Variants in BNC2 observed in about 807,000 individuals in gnomAD.
The protein encoded by BNC2 is basonuclin zinc finger protein 2.
A neutral mutation model predicts 76.3 loss-of-function variants in BNC2; 20 were observed. The observed-to-expected ratio is 0.26, with a 90% confidence interval of 0.18 to 0.38. The LOEUF is 0.38. Ranked by LOEUF, BNC2 falls within the 10% of genes least tolerant of loss-of-function variation. The pLI is 1.00. For missense variants in BNC2, 1,382 were observed against 1,399.8 expected, an observed-to-expected ratio of 0.99 and a Z score of 0.20; for synonymous variants, 582 against 514.8, an observed-to-expected ratio of 1.13 and a Z score of -1.77.
At chr9:16,632,879 G>A (rs1821206451) in intron 3 of BNC2, among the ~76,000 whole-genome samples, 1 of 152,084 alleles carries the variant, frequency 6.6e-6, no homozygotes, top group Non-Finnish European at 1.5e-5. Flanking sequence ...AATACTCTTA[G>A]GGAAAACAAT....
chr9:16,771,030 A>G (rs1446101473), intron 1 of BNC2, among the ~76,000 whole-genome samples: 1 of 152,114 alleles, frequency 6.6e-6, no homozygotes, highest in Non-Finnish European at 1.5e-5. Context: ...TTAGCTGAGC[A>G]TGGTGCCGCA....
chr9:16,567,221 C>T (rs1563842837), intron 4 of BNC2, among the ~76,000 whole-genome samples: 2 of 152,084 alleles, frequency 1.3e-5, no homozygotes, highest in Non-Finnish European at 2.9e-5. Flanking sequence ...AACAGAATTG[C>T]CATAAGGACA....
At chr9:16,665,386 A>AAAAGAG (rs1554702315) in intron 3 of BNC2, among the ~76,000 whole-genome samples, 30 of 84,280 alleles carry the variant, frequency 3.6e-4, no homozygotes, top group South Asian at 2.2e-3. Flanking sequence ...AAAAAAAAAA[A>AAAAGAG]AGAGAGAGAG....
intron 3 of BNC2, among the ~76,000 whole-genome samples, chr9:16,643,546 T>G (rs1032784985): frequency 2.6e-5 from 4 of 152,054 alleles, no homozygotes; most frequent in African/African-American, 9.7e-5. Context: ...AGATTCAACT[T>G]TTACACTGGT....
chr9:16,860,854 T>C (rs933025743), intron 1 of BNC2, among the ~76,000 whole-genome samples: 3 of 151,894 alleles, frequency 2.0e-5, no homozygotes, highest in African/African-American at 7.3e-5. Context: ...GAGACCAGCC[T>C]GGCCAACATA....
intron 5 of BNC2, among the ~76,000 whole-genome samples, chr9:16,444,239 C>T (rs540323494): frequency 2.6e-4 from 39 of 152,264 alleles, no homozygotes; most frequent in African/African-American, 9.1e-4. Context: ...CATTCATACA[C>T]ACACACACAC....
chr9:16,491,854 T>C (rs72717031), intron 5 of BNC2, among the ~76,000 whole-genome samples: 7,658 of 152,278 alleles, frequency 0.05, 364 homozygotes, highest in East Asian at 0.14. Flanking sequence ...TTAATCAAAA[T>C]CGTTTTTCTT....
intron 2 of BNC2, among the ~76,000 whole-genome samples, chr9:16,728,695 G>C (rs1225222956): frequency 6.6e-6 from 1 of 151,674 alleles, no homozygotes; most frequent in African/African-American, 2.4e-5. Flanking sequence ...CGTACATAGA[G>C]ATGTGACCTT....
chr9:16,577,965 T>C (rs1462316852), intron 4 of BNC2, among the ~76,000 whole-genome samples: 2 of 152,172 alleles, frequency 1.3e-5, no homozygotes, highest in South Asian at 2.1e-4. Flanking sequence ...ATAAAATGTA[T>C]TTTTTATTCA....
chr9:16,843,686 T>C (rs1371943718), intron 1 of BNC2, among the ~76,000 whole-genome samples: 1 of 152,228 alleles, frequency 6.6e-6, no homozygotes, highest in African/African-American at 2.4e-5. Context: ...ACCAAGTAAA[T>C]GGGTTTTAGT....
intron 5 of BNC2, among the ~76,000 whole-genome samples, chr9:16,444,044 C>T (rs1821182480): frequency 3.3e-5 from 5 of 152,176 alleles, no homozygotes; most frequent in Admixed American, 3.3e-4. Context: ...TCAACATGTA[C>T]AGCTTTCCAC....
In BNC2 at chr9:16,709,584, G is replaced by A. The variant is rs562681063; in HGVS notation, c.330+18213C>T. ...AGCCCAGCATTCAGGAGCCTCATTA[G>A]AGGGACTATTTCTTTCTCAAGAAAA... On this transcript the variant is annotated intron_variant, in intron 3 of 6. Transcript: ENST00000380672. Among the ~76,000 whole-genome samples the A allele has an allele frequency of 5.9e-5, 9 of 152,300 alleles. No homozygotes were observed. In the South Asian group the frequency reaches 1.5e-3, roughly 25 times the overall value.
chr9:16,510,421 T>C (rs1380976401), intron 5 of BNC2, among the ~76,000 whole-genome samples: 1 of 152,172 alleles, frequency 6.6e-6, no homozygotes, highest in Admixed American at 6.5e-5. Context: ...AATTAGGATA[T>C]AAAAAGGCAG....
At chr9:16,525,525 G>A (rs957060533) in intron 5 of BNC2, among the ~76,000 whole-genome samples, 1 of 152,142 alleles carries the variant, frequency 6.6e-6, no homozygotes, top group African/African-American at 2.4e-5. Flanking sequence ...TAAGAGAAAT[G>A]CAAATAAAAG....
intron 5 of BNC2, among the ~76,000 whole-genome samples, chr9:16,491,522 G>C (rs1004528330): frequency 2.6e-5 from 4 of 152,162 alleles, no homozygotes; most frequent in Non-Finnish European, 5.9e-5. Flanking sequence ...TTTTTTTCTA[G>C]CTATATTGGA....
At chr9:16,485,101 G>GACAC (rs901270450) in intron 5 of BNC2, among the ~76,000 whole-genome samples, 1 of 107,876 alleles carries the variant, frequency 9.3e-6, no homozygotes. Flanking sequence ...CACACACAGA[G>GACAC]ACACACACAG....
At chr9:16,674,609 T>G (rs991661301) in intron 3 of BNC2, among the ~76,000 whole-genome samples, 3 of 152,226 alleles carry the variant, frequency 2.0e-5, no homozygotes, top group African/African-American at 7.2e-5. Context: ...ATCTAATCGA[T>G]GTTTATTTGT....
chr9:16,480,800 T>C (rs1039871738), intron 5 of BNC2, among the ~76,000 whole-genome samples: 1 of 152,130 alleles, frequency 6.6e-6, no homozygotes, highest in African/African-American at 2.4e-5. Flanking sequence ...ACCCCCTCCA[T>C]GGGCTCCTGT....
intron 3 of BNC2, among the ~76,000 whole-genome samples, chr9:16,594,679 T>C (rs1168388177): frequency 2.6e-5 from 4 of 152,156 alleles, no homozygotes; most frequent in African/African-American, 9.7e-5. Context: ...GAAGCTTGCA[T>C]AACATTTCAA....
Sources: gnomAD v4.1 joint callset for allele counts (sites outside exome capture counted in the v4.1 genomes callset) on GRCh38, gnomAD v4.1.1 for gene constraint, MANE v1.5 for transcripts, NCBI Gene and HGNC (gene_info 2026-07-23, HGNC 2026-07-21) for gene names.